The following TENM4 variants were observed in gnomAD, a reference collection of about 807,000 sequenced individuals.
The protein encoded by TENM4 is teneurin transmembrane protein 4.
Under a neutral mutation model 243.3 loss-of-function variants are expected in TENM4, and 82 were observed. That is an observed-to-expected ratio of 0.34 (90% confidence interval 0.28 to 0.40). TENM4 has a LOEUF of 0.40. Among genes scored for constraint, TENM4 ranks in the 10% least tolerant of loss-of-function variants. The pLI is 1.00. For synonymous variants in TENM4, 1,412 were observed against 1,456.3 expected (o/e 0.97, Z 0.69); for missense variants, 3,138 against 3,673.3 (o/e 0.85, Z 3.77).
intron 1 of TENM4, among the ~76,000 whole-genome samples, chr11:79,315,177 A>G (rs1338940107): frequency 1.3e-5 from 2 of 152,176 alleles, no homozygotes; most frequent in African/African-American, 4.8e-5. Flanking sequence ...ATAAAGGCAG[A>G]GCTGCAGTAA....
At chr11:78,955,523 C>T (rs960506258) in intron 6 of TENM4, among the ~76,000 whole-genome samples, 1 of 152,184 alleles carries the variant, frequency 6.6e-6, no homozygotes, top group Non-Finnish European at 1.5e-5. Context: ...AATGTGCCTT[C>T]CTCGGGGAGT....
At chr11:78,742,827 C>T (rs1193523557) in intron 19 of TENM4, among the ~76,000 whole-genome samples, 1 of 152,128 alleles carries the variant, frequency 6.6e-6, no homozygotes. Context: ...CAAAATCAAG[C>T]AAATAAAAAG....
At chr11:78,859,195 C>T (rs1858755183) in intron 10 of TENM4, among the ~76,000 whole-genome samples, 1 of 152,068 alleles carries the variant, frequency 6.6e-6, no homozygotes, top group African/African-American at 2.4e-5. Flanking sequence ...TTCCTGGCAT[C>T]CTAGGGTACA....
intron 6 of TENM4, chr11:78,924,824 T>C (rs761599860): frequency 1.3e-5 from 2 of 152,214 alleles, no homozygotes; most frequent in Non-Finnish European, 2.9e-5. Context: ...ACTATACTAA[T>C]AGAATTTAAA....
At chr11:79,254,287 T>C (rs1245837103) in intron 2 of TENM4, among the ~76,000 whole-genome samples, 1 of 152,202 alleles carries the variant, frequency 6.6e-6, no homozygotes, top group Admixed American at 6.5e-5. Flanking sequence ...GTAAACGATG[T>C]ATGGCACATT....
intron 1 of TENM4, among the ~76,000 whole-genome samples, chr11:79,424,766 C>T (rs1477706887): frequency 6.6e-6 from 1 of 152,136 alleles, no homozygotes; most frequent in African/African-American, 2.4e-5. Context: ...AATCCCATCT[C>T]TACTAAAAAT....
Position 79,046,481 on chromosome 11 carries a change from C to T in TENM4, c.493+18257G>A, listed in dbSNP as rs144478339. Among the ~76,000 whole-genome samples the T allele has an allele frequency of 1.4e-4, 21 of 152,184 alleles. No homozygotes were observed. In the East Asian group the frequency reaches 3.5e-3, roughly 25 times the overall value. ...AAAAACGACAAGTTGAAGTGCTGAC[C>T]CCTAGAACTTCCAGATGTGACCTTA... On this transcript the variant is annotated intron_variant, in intron 6 of 33. Coordinates refer to ENST00000278550, the MANE Select transcript of TENM4 (RefSeq NM_001098816.3).
At chr11:78,904,506 C>G (rs745590079) in intron 6 of TENM4, among the ~76,000 whole-genome samples, 1 of 151,998 alleles carries the variant, frequency 6.6e-6, no homozygotes, top group Non-Finnish European at 1.5e-5. Flanking sequence ...AGAAAGATGA[C>G]TTTTGAATAA....
chr11:79,309,866 C>T lies in TENM4; in HGVS notation c.-320-12323G>A, dbSNP rs377583537. On this transcript the variant is annotated intron_variant, in intron 1 of 33. Transcript: ENST00000278550. ...CACAGTTTCCAGAATGTGTCATCCT[C>T]TCCCCATCCCAGTGCTGCTGCCCAT... 8.2e-4 allele frequency among the ~76,000 whole-genome samples: 125 copies of T among 152,332 alleles called. 4 individuals are homozygous for T. The South Asian group carries it at 0.026, about 31-fold the overall frequency.
chr11:79,203,608 A>G (rs1399347323), intron 3 of TENM4, among the ~76,000 whole-genome samples: 1 of 152,270 alleles, frequency 6.6e-6, no homozygotes, highest in Non-Finnish European at 1.5e-5. Flanking sequence ...TTATAACAAT[A>G]TACAGTCAGA....
At chr11:79,026,113 G>C (rs1474044624) in intron 6 of TENM4, among the ~76,000 whole-genome samples, 1 of 152,198 alleles carries the variant, frequency 6.6e-6, no homozygotes, top group Admixed American at 6.5e-5. Context: ...GCCTGGCCAG[G>C]TGTGAACACG....
intron 4 of TENM4, among the ~76,000 whole-genome samples, chr11:79,078,945 C>G (rs7118213): frequency 0.93 from 141,321 of 152,322 alleles, 65,854 homozygotes; most frequent in Middle Eastern, 0.98. Context: ...TTCCTGCATA[C>G]GTCATTCTAT....
At chr11:78,924,848 A>C (rs1310488691) in intron 6 of TENM4, 1 of 152,240 alleles carries the variant, frequency 6.6e-6, no homozygotes, top group Non-Finnish European at 1.5e-5. Context: ...TTTGACAAGC[A>C]AATTCAATCA....
intron 1 of TENM4, among the ~76,000 whole-genome samples, chr11:79,370,779 TAAAAAAAAAAAAA>T (rs544196671): frequency 0.053 from 3,011 of 57,266 alleles, 163 homozygotes; most frequent in African/African-American, 0.17. Context: ...ACTCCTATGG[TAAAAAAAAAAAAA>T]AAAAAAAAAA....
intron 18 of TENM4, among the ~76,000 whole-genome samples, chr11:78,763,610 G>T (rs181252852): frequency 1.3e-3 from 202 of 152,348 alleles, no homozygotes; most frequent in Middle Eastern, 6.8e-3. Flanking sequence ...GCAGGTAGTT[G>T]TCAAATGACC....
intron 6 of TENM4, among the ~76,000 whole-genome samples, chr11:79,047,377 T>C (rs1221923254): frequency 1.3e-5 from 2 of 152,306 alleles, no homozygotes; most frequent in East Asian, 3.9e-4. Flanking sequence ...AGCTAATCAA[T>C]AGTGGGCAGC....
chr11:79,329,005 C>T lies in TENM4; in HGVS notation c.-320-31462G>A, dbSNP rs566609772. 2.0e-5 allele frequency among the ~76,000 whole-genome samples: 3 copies of T among 152,302 alleles called. No individual in the cohort carries two copies. In the South Asian group the frequency reaches 6.2e-4, roughly 32 times the overall value. ...TCTACAAAACTGTCCTTCTAGCTGG[C>T]AGAGAACCATCCCAACTGACCTGTC... On this transcript the variant is annotated intron_variant, in intron 1 of 33. Coordinates refer to ENST00000278550, the MANE Select transcript of TENM4 (RefSeq NM_001098816.3).
rs545889383 is a variant in TENM4 at position 79,271,322 on chromosome 11, A to G, written c.-265+26166T>C. Among the ~76,000 whole-genome samples the G allele has an allele frequency of 3.3e-5, 5 of 152,338 alleles. No homozygotes were observed. In the South Asian group the frequency reaches 8.3e-4, roughly 25 times the overall value. On this transcript the variant is annotated intron_variant, in intron 2 of 33. Transcript: ENST00000278550. ...ATCGGAAAGACAAAGATGATTACAG[A>G]GACTTTTTCTTGTCTTTCTAAAGGG...
chr11:79,139,672 AT>A (rs1365933973), intron 4 of TENM4, among the ~76,000 whole-genome samples: 3 of 65,534 alleles, frequency 4.6e-5, no homozygotes, highest in African/African-American at 1.5e-4. Context: ...AAATATATAT[AT>A]TTTATATAAG....
Sources: gnomAD v4.1 joint callset for allele counts (sites outside exome capture counted in the v4.1 genomes callset) on GRCh38, gnomAD v4.1.1 for gene constraint, MANE v1.5 for transcripts, NCBI Gene and HGNC (gene_info 2026-07-23, HGNC 2026-07-21) for gene names.